Variants in DENND1A observed in about 807,000 individuals in gnomAD.
DENND1A encodes DENN domain-containing protein 1A.
In DENND1A, 51 loss-of-function variants were observed where a neutral mutation model predicts 113.7. The ratio of observed to expected loss-of-function variants is 0.45; its 90% CI spans 0.36 to 0.57. The LOEUF is 0.57. DENND1A is among the 20% of genes least tolerant of loss of function. The pLI is 0.00. For synonymous variants in DENND1A, 565 were observed against 570.8 expected, an observed-to-expected ratio of 0.99 and a Z score of 0.14; for missense variants, 1,258 against 1,395.9, an observed-to-expected ratio of 0.90 and a Z score of 1.57.
intron 1 of DENND1A, among the ~76,000 whole-genome samples, chr9:123,886,667 C>T (rs1849146297): frequency 1.3e-5 from 2 of 152,188 alleles, no homozygotes; most frequent in African/African-American, 4.8e-5. Flanking sequence ...AAATTTCCAA[C>T]AAGTCTCCAT....
intron 10 of DENND1A, among the ~76,000 whole-genome samples, chr9:123,613,132 C>A: frequency 6.6e-6 from 1 of 152,182 alleles, no homozygotes; most frequent in South Asian, 2.1e-4. Flanking sequence ...ACTCTTGTCT[C>A]CCGGATACTC....
intron 1 of DENND1A, among the ~76,000 whole-genome samples, chr9:123,881,242 G>C (rs1427221287): frequency 6.6e-6 from 1 of 152,070 alleles, no homozygotes; most frequent in African/African-American, 2.4e-5. Context: ...TTTTTTCCCT[G>C]CAAGAGGGTA....
intron 10 of DENND1A, among the ~76,000 whole-genome samples, chr9:123,615,089 G>A (rs962354523): frequency 1.3e-5 from 2 of 152,198 alleles, no homozygotes; most frequent in Non-Finnish European, 2.9e-5. Flanking sequence ...TAGTGAGAGC[G>A]ATGAGACAGC....
At chr9:123,461,744 A>G (rs966503770) in intron 13 of DENND1A, among the ~76,000 whole-genome samples, 2 of 152,234 alleles carry the variant, frequency 1.3e-5, no homozygotes, top group African/African-American at 4.8e-5. Context: ...GGGAGGTGAT[A>G]TCCCCCGGAC....
At position 123,748,046 on chromosome 9, in the gene DENND1A, TAAA is replaced by T. The variant is rs574348243; in HGVS notation, c.302+9654_302+9656del. ...GACAACATTATAGCAAATGCATTTT[TAAA>T]AAGAAGATAAGCCTTAGCAAGAAAT... is the stretch of plus-strand genomic sequence containing the variant. On this transcript the variant is annotated intron_variant, in intron 5 of 23. Coordinates refer to ENST00000394215, the MANE Select transcript of DENND1A (RefSeq NM_001352964.2). Among the ~76,000 whole-genome samples, 6 of 152,324 alleles carry T rather than the reference TAAA, an allele frequency of 3.9e-5. 1 individual carries two copies. In the South Asian group the frequency reaches 1.2e-3, roughly 32 times the overall value.
intron 2 of DENND1A, among the ~76,000 whole-genome samples, chr9:123,818,309 T>C (rs1326345053): frequency 6.6e-6 from 1 of 151,884 alleles, no homozygotes; most frequent in Non-Finnish European, 1.5e-5. Flanking sequence ...TTTCACCGTT[T>C]TAGCAGGGAT....
At chr9:123,454,849 CTTTTT>C in intron 15 of DENND1A, 70 bp from the exon 16 acceptor site, 35 of 1,019,380 alleles carry the variant, frequency 3.4e-5, no homozygotes, top group East Asian at 8.4e-5. Flanking sequence ...CTTAAAATTG[CTTTTT>C]TTTTTTTTTT....
chr9:123,815,965 T>C (rs1220304631), intron 2 of DENND1A, among the ~76,000 whole-genome samples: 3 of 151,282 alleles, frequency 2.0e-5, no homozygotes, highest in African/African-American at 4.9e-5. Context: ...AAGAACCTAT[T>C]TGGCACTGGG....
intron 1 of DENND1A, among the ~76,000 whole-genome samples, chr9:123,923,648 G>T (rs1445887147): frequency 6.6e-6 from 1 of 152,146 alleles, no homozygotes; most frequent in East Asian, 1.9e-4. Context: ...AAATGAGATC[G>T]GTTTATCCTC....
At chr9:123,911,253 A>C (rs903348106) in intron 1 of DENND1A, among the ~76,000 whole-genome samples, 1 of 152,230 alleles carries the variant, frequency 6.6e-6, no homozygotes, top group African/African-American at 2.4e-5. Flanking sequence ...ATGGCTAATA[A>C]TATGGCTAAA....
intron 2 of DENND1A, among the ~76,000 whole-genome samples, chr9:123,872,914 G>A (rs971293651): frequency 6.6e-6 from 1 of 152,148 alleles, no homozygotes; most frequent in Non-Finnish European, 1.5e-5. Flanking sequence ...TCACAGCAGG[G>A]AATTAATCCC....
chr9:123,806,525 G>A (rs1835604770), intron 2 of DENND1A, among the ~76,000 whole-genome samples: 1 of 152,174 alleles, frequency 6.6e-6, no homozygotes, highest in South Asian at 2.1e-4. Context: ...CCAAAGTGCT[G>A]GGATTACAGG....
chr9:123,430,288 TA>T (rs888189716), intron 19 of DENND1A, among the ~76,000 whole-genome samples: 17 of 152,284 alleles, frequency 1.1e-4, no homozygotes, highest in African/African-American at 4.1e-4. Context: ...GGTGATTCCA[TA>T]AAGATCTAAA....
chr9:123,839,905 A>AGAAACC (rs1841579439), intron 2 of DENND1A, among the ~76,000 whole-genome samples: 1 of 152,214 alleles, frequency 6.6e-6, no homozygotes, highest in Non-Finnish European at 1.5e-5. Flanking sequence ...CAAGTAAATG[A>AGAAACC]GAAACCGAAA....
intron 13 of DENND1A, among the ~76,000 whole-genome samples, chr9:123,512,488 T>A (rs1001819651): frequency 6.6e-6 from 1 of 152,224 alleles, no homozygotes; most frequent in Non-Finnish European, 1.5e-5. Context: ...GAGATTCAAA[T>A]GAGGAGAGGT....
intron 13 of DENND1A, among the ~76,000 whole-genome samples, chr9:123,469,652 A>T (rs1402294538): frequency 6.6e-6 from 1 of 152,248 alleles, no homozygotes; most frequent in Non-Finnish European, 1.5e-5. Context: ...TTTTCTTCCC[A>T]TAAGAAATGC....
At chr9:123,786,983 A>C (rs1832280912) in intron 3 of DENND1A, among the ~76,000 whole-genome samples, 2 of 152,196 alleles carry the variant, frequency 1.3e-5, no homozygotes, top group South Asian at 4.1e-4. Context: ...ACCCAAGTTC[A>C]ATTCCATTCT....
At chr9:123,388,239 C>T (rs1269698454) in intron 21 of DENND1A, among the ~76,000 whole-genome samples, 2 of 152,120 alleles carry the variant, frequency 1.3e-5, no homozygotes, top group East Asian at 1.9e-4. Context: ...TCCCATGAAA[C>T]GTAATGTTTA....
At chr9:123,739,041 C>T (rs73667911) in intron 5 of DENND1A, among the ~76,000 whole-genome samples, 27,416 of 152,042 alleles carry the variant, frequency 0.18, 2,768 homozygotes, top group African/African-American at 0.28. Context: ...TGTCACATTC[C>T]AGCCTTCATA....
Sources: allele counts gnomAD v4.1 joint callset (sites outside exome capture counted in the v4.1 genomes callset), GRCh38; gene constraint gnomAD v4.1.1; transcripts MANE v1.5; gene names NCBI Gene and HGNC (gene_info 2026-07-23, HGNC 2026-07-21).